The following BMP8B variants were observed in gnomAD, a reference collection of about 807,000 sequenced individuals.
BMP8B encodes the protein bone morphogenetic protein 8 (osteogenic protein 2).
In BMP8B, 17 loss-of-function variants were observed where a neutral mutation model predicts 30.3. The observed-to-expected ratio is 0.56, with a 90% CI of 0.38 to 0.84. The LOEUF is 0.84. Among genes scored for constraint, BMP8B ranks in the 40% least tolerant of loss-of-function variants. The pLI, the probability that BMP8B is intolerant of heterozygous loss-of-function variation, is 0.00. For missense variants in BMP8B, 253 were observed against 494.6 expected (o/e 0.51, Z 4.63); for synonymous variants, 131 against 214.7 (o/e 0.61, Z 3.41).
chr1:39,786,510 A>G (rs150517795), intron 1 of BMP8B, among the ~76,000 whole-genome samples: 125 of 152,334 alleles, frequency 8.2e-4, no homozygotes, highest in Admixed American at 1.4e-3. Flanking sequence ...GCCCTGCCCA[A>G]TTCATAGCAA....
At chr1:39,777,571 G>A (rs1017090517) in intron 1 of BMP8B, among the ~76,000 whole-genome samples, 8 of 152,232 alleles carry the variant, frequency 5.3e-5, no homozygotes, top group South Asian at 2.1e-4. Flanking sequence ...CAAACTCTGC[G>A]ACCCTCAGCC....
chr1:39,769,816 C>T (rs765531562), intron 3 of BMP8B: 3 of 1,613,652 alleles, frequency 1.9e-6, no homozygotes, highest in Non-Finnish European at 1.7e-6. Context: ...TCAGCGTCAG[C>T]TCTTTCTTCC....
chr1:39,778,095 C>G (rs1005922942), intron 1 of BMP8B, among the ~76,000 whole-genome samples: 9 of 152,264 alleles, frequency 5.9e-5, no homozygotes, highest in African/African-American at 1.2e-4. Context: ...CTCATCGGCC[C>G]CTGTGTTTCG....
intron 1 of BMP8B, among the ~76,000 whole-genome samples, chr1:39,779,581 A>AG (rs1203497708): frequency 6.6e-6 from 1 of 152,226 alleles, no homozygotes; most frequent in Non-Finnish European, 1.5e-5. Flanking sequence ...AGTCACATAC[A>AG]GGGCTTTGGA....
At chr1:39,782,394 T>C (rs1650701912) in intron 1 of BMP8B, among the ~76,000 whole-genome samples, 1 of 152,170 alleles carries the variant, frequency 6.6e-6, no homozygotes, top group Admixed American at 6.5e-5. Context: ...GACTGGGGGA[T>C]GGGGCATAAT....
intron 1 of BMP8B, among the ~76,000 whole-genome samples, chr1:39,777,168 C>CA (rs1650292514): frequency 6.6e-6 from 1 of 152,106 alleles, no homozygotes; most frequent in Non-Finnish European, 1.5e-5. Context: ...GATGTATTGG[C>CA]AAAAATATGA....
chr1:39,769,681 C>T, intron 3 of BMP8B: 2 of 1,583,846 alleles, frequency 1.3e-6, no homozygotes, highest in Non-Finnish European at 1.7e-6. Flanking sequence ...AGCGCACCAC[C>T]CCGCCCAGAT....
intron 3 of BMP8B, among the ~76,000 whole-genome samples, chr1:39,771,530 G>A (rs1425699521): frequency 2.0e-5 from 3 of 151,796 alleles, no homozygotes; most frequent in African/African-American, 4.9e-5. Context: ...GAAGGGCACA[G>A]GCTAGGTCCC....
chr1:39,763,036 C>G (rs1649224805), intron 6 of BMP8B, 56 bp downstream of exon 6: 2 of 1,588,114 alleles, frequency 1.3e-6, no homozygotes, highest in Non-Finnish European at 1.7e-6. Flanking sequence ...GGACCAGACC[C>G]CTCTCCACAG....
chr1:39,788,423 GC>G lies in BMP8B; in HGVS notation c.62del (p.Gly21AlafsTer86), dbSNP rs1651163124. The G allele has an allele frequency of 7.7e-6, 8 of 1,043,202 alleles. No individual in the cohort carries two copies. Among genetic ancestry groups the G allele is most frequent in the Admixed American group, 5.6e-5 (1 of 17,784 alleles). 64.6% of individuals were successfully genotyped at this position (1,043,202 alleles called of 1,614,324 possible). ...LGLALCALGG[G>X]GPGLRPPPGC... The stretch of plus-strand genomic sequence containing the variant: ...CGGGCGGGGGTCGCAGGCCGGGGCC[GC>G]CCCCGCCCAGCGCGCATAGCGCCAG... On this transcript the variant is annotated frameshift_variant, in exon 1 of 7. Transcript: ENST00000372827. LOFTEE classifies it high-confidence loss of function. The surrounding 1 kb of genome is among the most constrained non-coding windows in gnomAD (Gnocchi z 5.8).
intron 4 of BMP8B, among the ~76,000 whole-genome samples, chr1:39,764,230 C>G (rs1382536826): frequency 6.6e-6 from 1 of 152,372 alleles, no homozygotes; most frequent in East Asian, 1.9e-4. Context: ...TCAGGCCTGT[C>G]CCTGATCCTG....
At chr1:39,763,581 C>G in intron 5 of BMP8B, 131 bp downstream of exon 5, 1 of 1,325,406 alleles carries the variant, frequency 7.5e-7, no homozygotes, top group South Asian at 1.5e-5. Context: ...CTTTAGAAAA[C>G]TTGGAAAACA....
chr1:39,788,662 G>A lies in BMP8B; in HGVS notation c.-177C>T. Reference sequence around the variant, plus strand: ...CAGCGCGGTCCCTGGAGCGCCCGCCGCGCGACACCTGTCCTGGCTCCTGGA... The same window carrying A: ...CAGCGCGGTCCCTGGAGCGCCCGCCACGCGACACCTGTCCTGGCTCCTGGA... On this transcript the variant is annotated 5_prime_UTR_variant, in exon 1 of 7. Transcript: ENST00000372827. This position sits in a 1 kb window ranked among gnomAD's most constrained non-coding sequence, Gnocchi z 5.8. The A allele has an allele frequency of 4.5e-6, 2 of 446,216 alleles. No individual in the cohort carries two copies. The highest frequency in any genetic ancestry group is 5.9e-6 in the Non-Finnish European group (2 of 337,700). 27.6% of individuals were successfully genotyped at this position (446,216 alleles called of 1,614,324 possible).
At chr1:39,778,352 C>G (rs1407326201) in intron 1 of BMP8B, among the ~76,000 whole-genome samples, 4 of 151,752 alleles carry the variant, frequency 2.6e-5, no homozygotes, top group Non-Finnish European at 5.9e-5. Flanking sequence ...GGTGCATGGG[C>G]TGGGCCTGCC....
Position 39,760,215 on chromosome 1 carries a change from G to A in BMP8B, c.*204C>T. The A allele has an allele frequency of 1.1e-6, 1 of 891,100 alleles. No individual in the cohort carries two copies. Among genetic ancestry groups the A allele is most frequent in the Non-Finnish European group, 1.7e-6 (1 of 603,992 alleles). 55.2% of individuals were successfully genotyped at this position (891,100 alleles called of 1,614,324 possible). A position where few individuals can be genotyped will look rare whatever the true frequency, so the allele number is the denominator to read the frequency against. ...CTGATGATTGAGACCACCTGGGCTG[G>A]AAACAGGACAGTCACACAAATGCCT... On this transcript the variant is annotated 3_prime_UTR_variant, in exon 7 of 7. Transcript: ENST00000372827.
intron 1 of BMP8B, among the ~76,000 whole-genome samples, chr1:39,775,641 G>C (rs973190374): frequency 9.2e-5 from 14 of 152,232 alleles, no homozygotes; most frequent in Non-Finnish European, 1.6e-4. Context: ...GGGCCGGCCA[G>C]CCAAGGCAGA....
In BMP8B at chr1:39,763,824, G is replaced by A. The variant is rs771258049; in HGVS notation, c.869-33C>T. On this transcript the variant is annotated intron_variant, in intron 4 of 6. Transcript: ENST00000372827. Reference sequence around the variant, plus strand: ...GACAGAAGGGGCAAGGTCTTTTCTGGGGTTCCTACTGTGTGCAGCTACTAT... The same window carrying A: ...GACAGAAGGGGCAAGGTCTTTTCTGAGGTTCCTACTGTGTGCAGCTACTAT... The A allele has an allele frequency of 2.5e-6, 4 of 1,594,840 alleles. No individual in the cohort carries two copies. The South Asian group carries it at 3.3e-5, about 13-fold the overall frequency.
Position 39,760,351 on chromosome 1 carries a change from G to A in BMP8B, c.*68C>T. Reference sequence around the variant, plus strand: ...GGCCTGGGGTCTGGCTGGGTTTGAGGGTTTCCTGCTTCTGAGGGGCCCGAT... The same window carrying A: ...GGCCTGGGGTCTGGCTGGGTTTGAGAGTTTCCTGCTTCTGAGGGGCCCGAT... On this transcript the variant is annotated 3_prime_UTR_variant, in exon 7 of 7. Coordinates refer to ENST00000372827, the MANE Select transcript of BMP8B (RefSeq NM_001720.5). 6.3e-7 allele frequency: 1 copy of A among 1,598,640 alleles called. No individual in the cohort carries two copies. The highest frequency in any genetic ancestry group is 8.5e-7 in the Non-Finnish European group (1 of 1,174,688).
chr1:39,772,817 G>A (rs2124463281), intron 3 of BMP8B, among the ~76,000 whole-genome samples: 1 of 149,530 alleles, frequency 6.7e-6, no homozygotes, highest in South Asian at 2.2e-4. Flanking sequence ...ACGTCTCTCT[G>A]ACTTCACTCT....
Sources: allele counts gnomAD v4.1 joint callset (sites outside exome capture counted in the v4.1 genomes callset), GRCh38; gene constraint gnomAD v4.1.1; non-coding constraint Gnocchi (gnomAD v3.1); transcripts MANE v1.5; gene names NCBI Gene and HGNC (gene_info 2026-07-23, HGNC 2026-07-21).